Variants in ZFHX3 observed in about 807,000 individuals in gnomAD.
ZFHX3 encodes zinc finger homeobox protein 3.
Under a neutral mutation model 279.1 loss-of-function variants are expected in ZFHX3, and 42 were observed. The ratio of observed to expected loss-of-function variants is 0.15; its 90% CI spans 0.12 to 0.19. The LOEUF is 0.19. Ranked by LOEUF, ZFHX3 falls within the 10% of genes least tolerant of loss-of-function variation. The pLI is 1.00. For synonymous variants in ZFHX3, 2,293 were observed against 1,957.8 expected (o/e 1.17, Z -4.52); for missense variants, 4,981 against 4,754.0 (o/e 1.05, Z -1.40).
intron 1 of ZFHX3, among the ~76,000 whole-genome samples, chr16:73,786,685 A>G (rs868706574): frequency 1.3e-5 from 2 of 152,178 alleles, no homozygotes; most frequent in Admixed American, 6.5e-5. Context: ...TCCCTATTCC[A>G]TGGGTGCCTG....
At chr16:73,259,233 A>G (rs961308990) in intron 4 of ZFHX3, among the ~76,000 whole-genome samples, 1 of 152,192 alleles carries the variant, frequency 6.6e-6, no homozygotes, top group Admixed American at 6.5e-5. Flanking sequence ...CAGGATGTGC[A>G]TGTCTTCAAC....
At chr16:72,960,232 G>C in intron 1 of ZFHX3, 38 bp from the exon 2 acceptor site, 1 of 1,460,970 alleles carries the variant, frequency 6.8e-7, no homozygotes, top group Non-Finnish European at 9.1e-7. Context: ...GGGAGAGAGG[G>C]GAAAGAGAGA....
At chr16:73,046,580 C>T (rs529090903) in intron 1 of ZFHX3, among the ~76,000 whole-genome samples, 1 of 152,094 alleles carries the variant, frequency 6.6e-6, no homozygotes, top group South Asian at 2.1e-4. Context: ...TGAGGGAACT[C>T]GAGGGGCCAA....
At chr16:73,331,107 A>G (rs938067956) in intron 3 of ZFHX3, among the ~76,000 whole-genome samples, 1 of 152,190 alleles carries the variant, frequency 6.6e-6, no homozygotes, top group African/African-American at 2.4e-5. Context: ...AAAACTTACA[A>G]TCATGGTGGA....
chr16:73,809,544 C>T (rs1172378039), intron 1 of ZFHX3: 1 of 152,222 alleles, frequency 6.6e-6, no homozygotes, highest in Non-Finnish European at 1.5e-5. Context: ...CTGCTTCTCA[C>T]CGAGCCTACT....
At chr16:73,438,303 G>A (rs1340841870) in intron 3 of ZFHX3, among the ~76,000 whole-genome samples, 1 of 152,316 alleles carries the variant, frequency 6.6e-6, no homozygotes, top group South Asian at 2.1e-4. Flanking sequence ...ACAAAAATGG[G>A]CTCTTCCCTG....
At chr16:73,064,802 G>A (rs563919213) in intron 8 of ZFHX3, among the ~76,000 whole-genome samples, 2 of 152,274 alleles carry the variant, frequency 1.3e-5, no homozygotes, top group African/African-American at 4.8e-5. Flanking sequence ...CTTTGCAATG[G>A]AAATCTGAAA....
At chr16:73,011,002 G>T (rs555397754) in intron 1 of ZFHX3, among the ~76,000 whole-genome samples, 1 of 152,036 alleles carries the variant, frequency 6.6e-6, no homozygotes. Flanking sequence ...GTGAGACAGG[G>T]TCTCACTCTT....
chr16:73,193,325 G>T (rs1280764836), intron 5 of ZFHX3, among the ~76,000 whole-genome samples: 1 of 152,196 alleles, frequency 6.6e-6, no homozygotes, highest in Non-Finnish European at 1.5e-5. Context: ...TCTCCACCCT[G>T]TCTGCTTTGC....
At chr16:73,039,909 G>C (rs9940321) in intron 1 of ZFHX3, among the ~76,000 whole-genome samples, 2 of 151,822 alleles carry the variant, frequency 1.3e-5, no homozygotes, top group Non-Finnish European at 2.9e-5. Flanking sequence ...TCCAGAGCTC[G>C]GAACTGGTCA....
At chr16:72,897,769 A>G (rs2038934349) in intron 3 of ZFHX3, among the ~76,000 whole-genome samples, 1 of 152,160 alleles carries the variant, frequency 6.6e-6, no homozygotes, top group Non-Finnish European at 1.5e-5. Flanking sequence ...TTCACATTAC[A>G]ACCCCATGAG....
chr16:73,199,645 T>A (rs1968227041), intron 5 of ZFHX3, among the ~76,000 whole-genome samples: 1 of 152,198 alleles, frequency 6.6e-6, no homozygotes, highest in African/African-American at 2.4e-5. Context: ...CACCTCAAGG[T>A]AAGATCACTG....
chr16:72,936,658 G>A (rs1960141206), intron 3 of ZFHX3, among the ~76,000 whole-genome samples: 2 of 152,208 alleles, frequency 1.3e-5, no homozygotes, highest in South Asian at 2.1e-4. Flanking sequence ...GCAGTGTAGG[G>A]GGCAAAGGGG....
chr16:72,902,940 T>C (rs1235521161), intron 3 of ZFHX3, among the ~76,000 whole-genome samples: 1 of 152,192 alleles, frequency 6.6e-6, no homozygotes, highest in Non-Finnish European at 1.5e-5. Flanking sequence ...TCCAAGTTTC[T>C]GAGGCCAAGT....
At chr16:73,725,445 T>C (rs963157428) in intron 1 of ZFHX3, among the ~76,000 whole-genome samples, 25 of 152,136 alleles carry the variant, frequency 1.6e-4, no homozygotes, top group African/African-American at 5.8e-4. Context: ...GAGCCAACTG[T>C]GGTCATCACT....
chr16:73,403,197 G>T (rs780611216), intron 3 of ZFHX3, among the ~76,000 whole-genome samples: 1 of 152,188 alleles, frequency 6.6e-6, no homozygotes, highest in Non-Finnish European at 1.5e-5. Flanking sequence ...ATTTATATCC[G>T]TTGCAGTAAT....
At chr16:73,106,367 A>C (rs1966304871) in intron 7 of ZFHX3, among the ~76,000 whole-genome samples, 1 of 152,096 alleles carries the variant, frequency 6.6e-6, no homozygotes, top group Admixed American at 6.6e-5. Flanking sequence ...GCATGGTGTC[A>C]GTTTTTGGGT....
intron 2 of ZFHX3, among the ~76,000 whole-genome samples, chr16:73,562,392 G>A (rs974097699): frequency 2.6e-5 from 4 of 151,948 alleles, no homozygotes; most frequent in East Asian, 3.9e-4. Context: ...TCAGGAGATC[G>A]AGACCATCCT....
At chr16:73,209,371 G>A (rs2011926465) in intron 5 of ZFHX3, among the ~76,000 whole-genome samples, 2 of 152,140 alleles carry the variant, frequency 1.3e-5, no homozygotes, top group Non-Finnish European at 2.9e-5. Flanking sequence ...CATGGGTCTG[G>A]AGGGTGGGAA....
Sources: gnomAD v4.1 joint callset for allele counts (sites outside exome capture counted in the v4.1 genomes callset) on GRCh38, gnomAD v4.1.1 for gene constraint, MANE v1.5 for transcripts, NCBI Gene and HGNC (gene_info 2026-07-23, HGNC 2026-07-21) for gene names.